The following CLUL1 variants were observed in gnomAD, a reference collection of about 807,000 sequenced individuals.
CLUL1 encodes the protein clusterin like 1.
CLUL1 carries 43 observed loss-of-function variants against 49.4 expected under a neutral mutation model. The ratio of observed to expected loss-of-function variants is 0.87; its 90% CI spans 0.68 to 1.12. CLUL1 has a LOEUF of 1.12. Ranked by LOEUF, CLUL1 falls within the 50% of genes most tolerant of loss-of-function variation. The probability of loss-of-function intolerance (pLI) is 0.00; values close to 1 mark genes in which losing one functional copy is unlikely to be tolerated. For missense variants in CLUL1, 486 were observed against 544.4 expected (o/e 0.89, Z 1.07); for synonymous variants, 192 against 184.9 (o/e 1.04, Z -0.31).
At position 645,805 on chromosome 18, in the gene CLUL1, AAAAAAATATATATATATATATATAT is replaced by A. The variant is rs1168717531; in HGVS notation, c.1397+710_1397+734del. Among the ~76,000 whole-genome samples, 17 of 51,432 alleles carry A rather than the reference AAAAAAATATATATATATATATATAT, an allele frequency of 3.3e-4. 2 individuals carry two copies. Among genetic ancestry groups the A allele is most frequent in the African/African-American group, 1.2e-3 (16 of 13,176 alleles). 33.7% of individuals were successfully genotyped at this position (51,432 alleles called of 152,430 possible). On this transcript the variant is annotated intron_variant, in intron 9 of 9. Coordinates refer to ENST00000692774, the MANE Select transcript of CLUL1 (RefSeq NM_001393344.1). Reference sequence around the variant, plus strand: ...CGAGACTCTGTTTAAAAAAAAAAAAAAAAAAATATATATATATATATATATATATATATATATATATATATATGTT... The same window carrying A: ...CGAGACTCTGTTTAAAAAAAAAAAAAATATATATATATATATATATATGTT...
chr18:617,439 A>T (rs999073762), intron 2 of CLUL1, among the ~76,000 whole-genome samples: 1 of 152,044 alleles, frequency 6.6e-6, no homozygotes, highest in African/African-American at 2.4e-5. Flanking sequence ...TACTAAAAAT[A>T]CAAAATTAAC....
intron 1 of CLUL1, among the ~76,000 whole-genome samples, chr18:603,725 T>C (rs1175671463): frequency 1.3e-5 from 2 of 152,214 alleles, no homozygotes; most frequent in Non-Finnish European, 2.9e-5. Flanking sequence ...ACAATCAAGA[T>C]ATTCAAGCCA....
At chr18:605,945 G>A (rs1292369026) in intron 1 of CLUL1, among the ~76,000 whole-genome samples, 1 of 152,112 alleles carries the variant, frequency 6.6e-6, no homozygotes, top group Non-Finnish European at 1.5e-5. Flanking sequence ...GATTGCAGGC[G>A]TGAGCCACCA....
chr18:634,381 C>G (rs2074081622), intron 7 of CLUL1, among the ~76,000 whole-genome samples: 1 of 152,290 alleles, frequency 6.6e-6, no homozygotes, highest in East Asian at 1.9e-4. Flanking sequence ...ATCCGCCCAC[C>G]TCGGCCTCCC....
intron 6 of CLUL1, among the ~76,000 whole-genome samples, chr18:629,882 GT>G (rs1277099832): frequency 2.0e-5 from 3 of 152,154 alleles, no homozygotes; most frequent in African/African-American, 7.2e-5. Flanking sequence ...CTTGAATGTG[GT>G]TTCCATCACT....
At chr18:640,578 G>A (rs965661774) in intron 7 of CLUL1, among the ~76,000 whole-genome samples, 2 of 152,074 alleles carry the variant, frequency 1.3e-5, no homozygotes, top group African/African-American at 4.8e-5. Context: ...GCAAGGGTTA[G>A]CCATGTGAAT....
At position 618,052 on chromosome 18, in the gene CLUL1, A is replaced by T. The variant is rs1310711269; in HGVS notation, c.52A>T (p.Ser18Cys). The change falls in exon 3 of 10, where the codon AGT becomes TGT. Residue 18 changes from serine to cysteine, a missense_variant. Transcript: ENST00000692774. The surrounding 1 kb of genome is among the most constrained non-coding windows in gnomAD (Gnocchi z 4.2). ...TGTGTGTCTGCTGTGGTTGAAAGAC[A>T]GTCACTGCGCACCCACTTGGAAGGA... ...FIVCLLWLKD[S>C]HCAPTWKDKT... The T allele has an allele frequency of 1.2e-6, 2 of 1,614,184 alleles. No homozygotes were observed. Among genetic ancestry groups the T allele is most frequent in the Non-Finnish European group, 1.7e-6 (2 of 1,180,028 alleles).
At chr18:619,796 A>C (rs2073432070) in intron 4 of CLUL1, among the ~76,000 whole-genome samples, 1 of 151,554 alleles carries the variant, frequency 6.6e-6, no homozygotes, top group Non-Finnish European at 1.5e-5. Flanking sequence ...TGCAACCTCC[A>C]CCTCCTGGGT....
intron 6 of CLUL1, 22 bp downstream of exon 6, chr18:627,551 T>A: frequency 6.5e-7 from 1 of 1,549,132 alleles, no homozygotes; most frequent in Non-Finnish European, 8.8e-7. Flanking sequence ...AAGATTACTT[T>A]TACTTAGAGG....
chr18:642,789 G>C (rs1567977692), intron 8 of CLUL1, among the ~76,000 whole-genome samples: 1 of 152,178 alleles, frequency 6.6e-6, no homozygotes, highest in South Asian at 2.1e-4. Context: ...GCTTATCTCT[G>C]AAACTTTCTC....
chr18:649,930 A>T lies in CLUL1; in HGVS notation c.*29A>T, dbSNP rs370013435. On this transcript the variant is annotated 3_prime_UTR_variant, in exon 10 of 10. Transcript: ENST00000692774. ...GATCTAATGCATCCTATATCCAGTAAGTAGAATTATCTCTTCATCTGGGAC... is the reference window on the plus strand; with the variant it reads ...GATCTAATGCATCCTATATCCAGTATGTAGAATTATCTCTTCATCTGGGAC... 1.8e-5 allele frequency: 25 copies of T among 1,359,532 alleles called. No individual in the cohort carries two copies. The highest frequency in any genetic ancestry group is 2.4e-5 in the Non-Finnish European group (23 of 968,722). The allele number at this position is 1,359,532 out of a possible 1,614,324, so 84.2% of individuals were successfully genotyped here. A position where few individuals can be genotyped will look rare whatever the true frequency, so the allele number is the denominator to read the frequency against.
At chr18:615,177 G>A (rs547997542) in intron 2 of CLUL1, among the ~76,000 whole-genome samples, 24 of 152,248 alleles carry the variant, frequency 1.6e-4, no homozygotes, top group Admixed American at 1.0e-3. Context: ...AATTATGAAA[G>A]TGACCGGATT....
At chr18:621,131 A>G (rs2073477583) in intron 4 of CLUL1, among the ~76,000 whole-genome samples, 1 of 152,192 alleles carries the variant, frequency 6.6e-6, no homozygotes, top group Non-Finnish European at 1.5e-5. Context: ...TCATCTTGCA[A>G]AAACTGAAAG....
chr18:646,653 T>C (rs2074517264), intron 9 of CLUL1, among the ~76,000 whole-genome samples: 1 of 152,084 alleles, frequency 6.6e-6, no homozygotes, highest in Non-Finnish European at 1.5e-5. Flanking sequence ...ATTCCCTTTC[T>C]CACTGTCCTT....
intron 2 of CLUL1, 100 bp downstream of exon 2, chr18:607,199 C>A: frequency 1.5e-6 from 1 of 667,090 alleles, no homozygotes; most frequent in Non-Finnish European, 2.7e-6. Flanking sequence ...ACGATCTCAG[C>A]TCACTGCAAC....
intron 6 of CLUL1, among the ~76,000 whole-genome samples, chr18:629,087 G>A (rs2073908926): frequency 6.6e-6 from 1 of 152,198 alleles, no homozygotes; most frequent in Non-Finnish European, 1.5e-5. Context: ...TTCAGAAACT[G>A]AAGCTAGGAA....
intron 9 of CLUL1, among the ~76,000 whole-genome samples, chr18:645,810 A>ATAT (rs1555636568): frequency 2.2e-3 from 66 of 29,720 alleles, no homozygotes; most frequent in South Asian, 3.0e-3. Flanking sequence ...AAAAAAAAAA[A>ATAT]ATATATATAT....
At chr18:603,118 A>G (rs1204960810) in intron 1 of CLUL1, among the ~76,000 whole-genome samples, 4 of 152,204 alleles carry the variant, frequency 2.6e-5, no homozygotes. Flanking sequence ...CATGAAAGAA[A>G]ATTACTTAAG....
At chr18:630,873 T>TC (rs1250707577) in intron 6 of CLUL1, among the ~76,000 whole-genome samples, 1 of 151,482 alleles carries the variant, frequency 6.6e-6, no homozygotes, top group Non-Finnish European at 1.5e-5. Flanking sequence ...TTTTTTTTTT[T>TC]TGAGACAGAT....
Sources: gnomAD v4.1 joint callset for allele counts (sites outside exome capture counted in the v4.1 genomes callset) on GRCh38, gnomAD v4.1.1 for gene constraint, Gnocchi (gnomAD v3.1) non-coding constraint, MANE v1.5 for transcripts, NCBI Gene and HGNC (gene_info 2026-07-23, HGNC 2026-07-21) for gene names.